RXRA: variants seen among roughly 807,000 people sequenced by gnomAD.
RXRA encodes retinoid X receptor alpha, also known as retinoic acid receptor RXR-alpha.
A neutral mutation model predicts 44.5 loss-of-function variants in RXRA; 5 were observed. The ratio of observed to expected loss-of-function variants is 0.11; its 90% confidence interval spans 0.06 to 0.24. RXRA has a LOEUF of 0.24. RXRA is among the 10% of genes least tolerant of loss of function. The pLI is 1.00. For synonymous variants in RXRA, 291 were observed against 271.4 expected, an observed-to-expected ratio of 1.07 and a Z score of -0.71; for missense variants, 412 against 646.5, an observed-to-expected ratio of 0.64 and a Z score of 3.93.
rs192419322 is a variant in RXRA at position 134,413,452 on chromosome 9, G to A, written c.611-3706G>A. Reference sequence around the variant, plus strand: ...CTCTAGGTTGAAGCCCTGGAGGGAAGGTAAGTCACTCCCTTTAGAGACTCT... The same window carrying A: ...CTCTAGGTTGAAGCCCTGGAGGGAAAGTAAGTCACTCCCTTTAGAGACTCT... On this transcript the variant is annotated intron_variant, in intron 4 of 9. Coordinates refer to ENST00000481739, the MANE Select transcript of RXRA (RefSeq NM_002957.6). Among the ~76,000 whole-genome samples, 209 of 152,320 alleles carry A rather than the reference G, an allele frequency of 1.4e-3. 1 individual carries two copies. Among genetic ancestry groups the A allele is most frequent in the African/African-American group, 4.8e-3 (200 of 41,564 alleles).
chr9:134,337,237 G>T (rs1014257152), intron 1 of RXRA, among the ~76,000 whole-genome samples: 1 of 152,214 alleles, frequency 6.6e-6, no homozygotes, highest in African/African-American at 2.4e-5. Flanking sequence ...GTTGAAACTT[G>T]TAGCAGTGTG....
rs1831656375 is a variant in RXRA at position 134,438,013 on chromosome 9, T to G, written c.*1399T>G. On this transcript the variant is annotated 3_prime_UTR_variant, in exon 10 of 10. Transcript: ENST00000481739. ...AGGCTCTGCCCCCGGGCTCCGGTGG[T>G]GCGGGGCCCTCTCAGGTTGAACTCG... The G allele has an allele frequency of 6.6e-6, 1 of 152,566 alleles. No individual in the cohort carries two copies. Among genetic ancestry groups the G allele is most frequent in the South Asian group, 2.1e-4 (1 of 4,844 alleles). 9.5% of individuals were successfully genotyped at this position (152,566 alleles called of 1,614,324 possible).
rs1039765020 is a variant in RXRA at position 134,423,527 on chromosome 9, C to T, written c.910+1722C>T. ...CACAGGCTGTGTGTATAGGGCCTGG[C>T]GCCGTCGCCACCCTCCTGGAAGGAC... On this transcript the variant is annotated intron_variant, in intron 6 of 9. Coordinates refer to ENST00000481739, the MANE Select transcript of RXRA (RefSeq NM_002957.6). 5.9e-5 allele frequency: 58 copies of T among 985,306 alleles called. No homozygotes were observed. In the Admixed American group the frequency reaches 2.8e-3, roughly 48 times the overall value. 61.0% of individuals were successfully genotyped at this position (985,306 alleles called of 1,614,324 possible).
chr9:134,375,559 C>T (rs952479451), intron 1 of RXRA, among the ~76,000 whole-genome samples: 21 of 152,162 alleles, frequency 1.4e-4, no homozygotes, highest in Non-Finnish European at 2.8e-4. Context: ...TGTGGATGAT[C>T]GGCCTGGCGG....
At chr9:134,361,078 A>G (rs1228807463) in intron 1 of RXRA, among the ~76,000 whole-genome samples, 2 of 152,150 alleles carry the variant, frequency 1.3e-5, no homozygotes, top group African/African-American at 4.8e-5. Flanking sequence ...ATCTTATCTG[A>G]TGGGCAGGAG....
chr9:134,334,621 G>A (rs1178209987), intron 1 of RXRA, among the ~76,000 whole-genome samples: 1 of 152,266 alleles, frequency 6.6e-6, no homozygotes, highest in Non-Finnish European at 1.5e-5. Context: ...GCCCTGGGCA[G>A]GTCCCTTCCC....
intron 1 of RXRA, among the ~76,000 whole-genome samples, chr9:134,346,785 C>G (rs1361632597): frequency 6.6e-6 from 1 of 152,216 alleles, no homozygotes; most frequent in East Asian, 1.9e-4. Context: ...CAAGGAGCTG[C>G]CTCTGAGGGA....
intron 1 of RXRA, among the ~76,000 whole-genome samples, chr9:134,370,268 G>A (rs866174341): frequency 6.6e-6 from 1 of 152,166 alleles, no homozygotes; most frequent in African/African-American, 2.4e-5. Context: ...CACTGGCTCC[G>A]CCGCTGCTGG....
At chr9:134,337,526 T>A (rs10117140) in intron 1 of RXRA, among the ~76,000 whole-genome samples, 57,446 of 152,050 alleles carry the variant, frequency 0.38, 12,108 homozygotes, top group African/African-American at 0.57. Context: ...CTGTAAGGTA[T>A]CCCTGACCCC....
At chr9:134,367,155 A>G (rs1310625601) in intron 1 of RXRA, among the ~76,000 whole-genome samples, 1 of 152,116 alleles carries the variant, frequency 6.6e-6, no homozygotes, top group Non-Finnish European at 1.5e-5. Flanking sequence ...CACTTCCACC[A>G]ACCCCCCAAA....
At chr9:134,347,877 A>G (rs1378622046) in intron 1 of RXRA, among the ~76,000 whole-genome samples, 5 of 152,120 alleles carry the variant, frequency 3.3e-5, no homozygotes, top group African/African-American at 9.7e-5. Context: ...CTGTCCTGAC[A>G]GTGGTGAGCA....
In RXRA at chr9:134,417,168, G is replaced by A; in HGVS notation, c.621G>A (p.Glu207=). 3 of 1,611,870 alleles carry A rather than the reference G, an allele frequency of 1.9e-6. 1 individual carries two copies. Among genetic ancestry groups the A allele is most frequent in the South Asian group, 2.2e-5 (2 of 91,080 alleles). The change falls in exon 5 of 10, where the codon GAG becomes GAA. Residue 207 remains glutamate, a synonymous_variant. Coordinates refer to ENST00000481739, the MANE Select transcript of RXRA (RefSeq NM_002957.6). The surrounding 1 kb of genome is among the most constrained non-coding windows in gnomAD (Gnocchi z 6.1). ...AMGMKREAVQ[E]ERQRGKDRNE... ...CCTCCCGGGTTGTAGCCGTGCAGGA[G>A]GAGCGGCAGCGTGGCAAGGACCGGA... is the stretch of plus-strand genomic sequence containing the variant.
At chr9:134,387,883 T>A (rs1830743010) in intron 1 of RXRA, among the ~76,000 whole-genome samples, 1 of 152,198 alleles carries the variant, frequency 6.6e-6, no homozygotes, top group Non-Finnish European at 1.5e-5. Flanking sequence ...CCAGCCTGAC[T>A]CTGTGAGCCC....
rs187941397 is a variant in RXRA at position 134,391,193 on chromosome 9, T to C, written c.29-10439T>C. On this transcript the variant is annotated intron_variant, in intron 1 of 9. Transcript: ENST00000481739. ...GGGGGAGCATCCTCTGCCCTGATCA[T>C]TTCAGAGTCCCCGACTGAACCATCG... 6.3e-3 allele frequency among the ~76,000 whole-genome samples: 952 copies of C among 152,202 alleles called. 4 individuals carry two copies. The highest frequency in any genetic ancestry group is 0.011 in the Non-Finnish European group (723 of 67,980).
At chr9:134,389,927 C>T (rs1264564152) in intron 1 of RXRA, among the ~76,000 whole-genome samples, 1 of 152,220 alleles carries the variant, frequency 6.6e-6, no homozygotes, top group African/African-American at 2.4e-5. Flanking sequence ...GAGAAGCTGC[C>T]TGCCACCTGT....
chr9:134,335,649 T>C (rs1441462526), intron 1 of RXRA, among the ~76,000 whole-genome samples: 1 of 152,060 alleles, frequency 6.6e-6, no homozygotes, highest in Admixed American at 6.5e-5. Flanking sequence ...TGGGAGGAGC[T>C]CAGGCTAGGG....
chr9:134,359,076 G>T (rs1326371518), intron 1 of RXRA, among the ~76,000 whole-genome samples: 1 of 152,184 alleles, frequency 6.6e-6, no homozygotes, highest in African/African-American at 2.4e-5. Context: ...GAAGGCCAGG[G>T]TGTAGCCAGG....
chr9:134,384,050 G>A (rs935089699), intron 1 of RXRA, among the ~76,000 whole-genome samples: 1 of 152,114 alleles, frequency 6.6e-6, no homozygotes, highest in Non-Finnish European at 1.5e-5. Flanking sequence ...ACTAGAGCTG[G>A]GAGTCCCAGA....
At position 134,421,695 on chromosome 9, in the gene RXRA, A is replaced by C; in HGVS notation, c.800A>C (p.Asn267Thr). Residue 267 changes from asparagine to threonine, a missense_variant, in exon 6 of 10, where the codon AAC becomes ACC. By Grantham distance (65) the Asn-to-Thr change is moderately conservative (BLOSUM62 0). Transcript: ENST00000481739. ...CTGCAGCCGAACGACCCTGTCACCA[A>C]CATTTGCCAAGCAGCCGACAAACAG... is the stretch of plus-strand genomic sequence containing the variant. ...NPSSPNDPVTNICQAADKQLF... is the reference protein window; with the variant it reads ...NPSSPNDPVTTICQAADKQLF... The C allele has an allele frequency of 6.4e-7, 1 of 1,571,206 alleles. No individual in the cohort carries two copies. Among genetic ancestry groups the C allele is most frequent in the South Asian group, 1.2e-5 (1 of 85,034 alleles).
Sources: gnomAD v4.1 joint callset for allele counts (sites outside exome capture counted in the v4.1 genomes callset) on GRCh38, gnomAD v4.1.1 for gene constraint, Gnocchi (gnomAD v3.1) non-coding constraint, MANE v1.5 for transcripts, NCBI Gene and HGNC (gene_info 2026-07-23, HGNC 2026-07-21) for gene names.